Variants in KATNB1 observed in about 807,000 individuals in gnomAD.
KATNB1 encodes the protein katanin regulatory subunit B1.
Under a neutral mutation model 82.3 loss-of-function variants are expected in KATNB1, and 38 were observed. The observed-to-expected ratio is 0.46, with a 90% CI of 0.36 to 0.61. The LOEUF is 0.61. Ranked by LOEUF, KATNB1 falls within the 20% of genes least tolerant of loss-of-function variation. KATNB1 has a pLI of 0.00. For synonymous variants in KATNB1, 361 were observed against 368.7 expected, an observed-to-expected ratio of 0.98 and a Z score of 0.24; for missense variants, 749 against 915.7, an observed-to-expected ratio of 0.82 and a Z score of 2.35.
intron 18 of KATNB1, 115 bp downstream of exon 18, chr16:57,756,181 T>G (rs910729660): frequency 1.6e-6 from 2 of 1,284,404 alleles, no homozygotes; most frequent in Non-Finnish European, 2.2e-6. Context: ...GAGCTGGCTG[T>G]GAAGCATTGC....
chr16:57,742,192 G>C (rs1380744932), intron 3 of KATNB1, among the ~76,000 whole-genome samples: 1 of 152,250 alleles, frequency 6.6e-6, no homozygotes, highest in Non-Finnish European at 1.5e-5. Flanking sequence ...CCATCTGCCT[G>C]CCTGGCAGCA....
chr16:57,741,674 C>G lies in KATNB1; in HGVS notation c.41-13C>G. On this transcript the variant is annotated splice_polypyrimidine_tract_variant and intron_variant, in intron 2 of 19. Coordinates refer to ENST00000379661, the MANE Select transcript of KATNB1 (RefSeq NM_005886.3). ...GCCGCCCTGATGGCCTCTCCCTCTC[C>G]TTCCCTGTGTAGAAGAGATCGTCGC... The G allele has an allele frequency of 6.2e-7, 1 of 1,609,506 alleles. No homozygotes were observed. The highest frequency in any genetic ancestry group is 8.5e-7 in the Non-Finnish European group (1 of 1,177,018).
chr16:57,755,942 G>A, intron 17 of KATNB1, 25 bp downstream of exon 17: 2 of 1,607,962 alleles, frequency 1.2e-6, no homozygotes, highest in Non-Finnish European at 1.7e-6. Flanking sequence ...AGGGGGAGTG[G>A]GCGGAGGGGC....
chr16:57,742,457 T>C (rs2049150518), intron 3 of KATNB1, among the ~76,000 whole-genome samples: 1 of 152,290 alleles, frequency 6.6e-6, no homozygotes, highest in South Asian at 2.1e-4. Flanking sequence ...TTCTAGATGC[T>C]GAGACAGATA....
chr16:57,748,850 CCT>C (rs1380178473), intron 4 of KATNB1, among the ~76,000 whole-genome samples: 1 of 152,242 alleles, frequency 6.6e-6, no homozygotes, highest in African/African-American at 2.4e-5. Context: ...TCCGCCACAT[CCT>C]CTCTGGGCAG....
intron 19 of KATNB1, 104 bp downstream of exon 19, chr16:57,756,576 T>A: frequency 1.6e-6 from 2 of 1,224,432 alleles, no homozygotes; most frequent in South Asian, 1.4e-5. Flanking sequence ...TGGGACAGAG[T>A]ACAGAGGAGG....
chr16:57,756,967 G>T lies in KATNB1; in HGVS notation c.*21G>T. ...ACTGAGGAAAGCAGTGGGCAGGGGC[G>T]CTCGGCAGCCCACAGGGCCTGGCCT... On this transcript the variant is annotated 3_prime_UTR_variant, in exon 20 of 20. Coordinates refer to ENST00000379661, the MANE Select transcript of KATNB1 (RefSeq NM_005886.3). 1 of 1,493,238 alleles carries T rather than the reference G, an allele frequency of 6.7e-7. No homozygotes were observed. The allele number at this position is 1,493,238 out of a possible 1,614,324, so 92.5% of individuals were successfully genotyped here.
At chr16:57,755,697 C>G (rs2049270529) in intron 16 of KATNB1, 144 bp from the exon 17 acceptor site, 6 of 983,328 alleles carry the variant, frequency 6.1e-6, no homozygotes, top group Non-Finnish European at 8.9e-6. Flanking sequence ...CATGCCTGGC[C>G]TTACACTCAT....
chr16:57,754,086 C>A, intron 13 of KATNB1, 91 bp downstream of exon 13: 1 of 1,087,406 alleles, frequency 9.2e-7, no homozygotes, highest in Non-Finnish European at 1.4e-6. Context: ...AAGCCCCTTC[C>A]CAGGACCCTC....
rs782284443 is a variant in KATNB1 at position 57,755,214 on chromosome 16, G to T, written c.1392G>T (p.Gly464=). 5 of 1,611,548 alleles carry T rather than the reference G, an allele frequency of 3.1e-6. No homozygotes were observed. Among genetic ancestry groups the T allele is most frequent in the Non-Finnish European group, 4.2e-6 (5 of 1,179,966 alleles). The change falls in exon 15 of 20, where the codon GGG becomes GGT. Residue 464 remains glycine (G), a synonymous_variant. Coordinates refer to ENST00000379661, the MANE Select transcript of KATNB1 (RefSeq NM_005886.3). ...IIPATRNEPI[G]LKASDFLPAV... ...CTGCCACCCGGAACGAGCCCATCGG[G>T]CTGAAGGCCTCCGACTTCCTGCCCG...
chr16:57,749,883 A>G (rs1555582529), intron 4 of KATNB1, among the ~76,000 whole-genome samples: 1 of 152,106 alleles, frequency 6.6e-6, no homozygotes, highest in Non-Finnish European at 1.5e-5. Context: ...ACTGCTCCTC[A>G]GTGTGTCCTC....
intron 2 of KATNB1, among the ~76,000 whole-genome samples, chr16:57,738,600 G>A (rs1366189863): frequency 1.3e-5 from 2 of 150,254 alleles, no homozygotes; most frequent in Admixed American, 6.6e-5. Context: ...TAAGACTCTG[G>A]GCAAAGCTCT....
chr16:57,740,299 G>A (rs2049132188), intron 2 of KATNB1, among the ~76,000 whole-genome samples: 1 of 152,210 alleles, frequency 6.6e-6, no homozygotes, highest in Non-Finnish European at 1.5e-5. Flanking sequence ...CGGCCCAGGA[G>A]GCAGGGTGTC....
At chr16:57,748,842 C>T (rs782450211) in intron 4 of KATNB1, among the ~76,000 whole-genome samples, 8 of 152,228 alleles carry the variant, frequency 5.3e-5, no homozygotes, top group Non-Finnish European at 1.0e-4. Context: ...GGTGGGACTC[C>T]GCCACATCCT....
intron 16 of KATNB1, 50 bp from the exon 17 acceptor site, chr16:57,755,791 G>A (rs781985071): frequency 1.3e-6 from 2 of 1,534,656 alleles, no homozygotes; most frequent in Non-Finnish European, 1.8e-6. Context: ...CCCTCACAGG[G>A]CCACACTGTC....
intron 2 of KATNB1, among the ~76,000 whole-genome samples, chr16:57,739,175 C>T (rs1317270565): frequency 2.0e-5 from 3 of 152,148 alleles, no homozygotes; most frequent in African/African-American, 7.2e-5. Flanking sequence ...CAAGGCCAAG[C>T]CATCAGTGTG....
chr16:57,755,620 C>T (rs1050653675), intron 16 of KATNB1, 126 bp downstream of exon 16: 28 of 1,255,526 alleles, frequency 2.2e-5, no homozygotes, highest in East Asian at 1.4e-4. Flanking sequence ...CCATCCCTGA[C>T]GTCACACCAT....
At chr16:57,753,869 G>A (rs149226713) in intron 12 of KATNB1, 76 bp from the exon 13 acceptor site, 502 of 1,403,822 alleles carry the variant, frequency 3.6e-4, no homozygotes, top group Non-Finnish European at 4.8e-4. Context: ...TCCGTCCCCC[G>A]CACTCTGGAC....
Position 57,751,409 on chromosome 16 carries a change from G to T in KATNB1, c.432+107G>T, listed in dbSNP as rs1567900799. The T allele has an allele frequency of 7.6e-6, 9 of 1,187,306 alleles. No individual in the cohort carries two copies. Among genetic ancestry groups the T allele is most frequent in the Non-Finnish European group, 1.1e-5 (9 of 796,682 alleles). The allele number at this position is 1,187,306 out of a possible 1,614,324, so 73.5% of individuals were successfully genotyped here. A position where few individuals can be genotyped will look rare whatever the true frequency, so the allele number is the denominator to read the frequency against. On this transcript the variant is annotated intron_variant, in intron 6 of 19. Transcript: ENST00000379661. The surrounding 1 kb of genome is among the most constrained non-coding windows in gnomAD (Gnocchi z 6.3). ...TGGAGGGGACGGCTGTCCCACATGG[G>T]TGATAACATAAAACATAGACCTGGA...
Sources: gnomAD v4.1 joint callset for allele counts (sites outside exome capture counted in the v4.1 genomes callset) on GRCh38, gnomAD v4.1.1 for gene constraint, Gnocchi (gnomAD v3.1) non-coding constraint, MANE v1.5 for transcripts, NCBI Gene and HGNC (gene_info 2026-07-23, HGNC 2026-07-21) for gene names.